Variants in LRRIQ3 observed in about 807,000 individuals in gnomAD.
LRRIQ3 encodes leucine rich repeats and IQ motif containing 3, also known as leucine-rich repeat and IQ domain-containing protein 3.
In LRRIQ3, 75 loss-of-function variants were observed where a neutral mutation model predicts 59.3. The ratio of observed to expected loss-of-function variants is 1.26; its 90% CI spans 1.05 to 1.53. The LOEUF is 1.53. Ranked by LOEUF, LRRIQ3 falls within the 40% of genes most tolerant of loss-of-function variation. The pLI, the probability that LRRIQ3 is intolerant of heterozygous loss-of-function variation, is 0.00. For synonymous variants in LRRIQ3, 250 were observed against 231.3 expected (o/e 1.08, Z -0.73); for missense variants, 831 against 710.0 (o/e 1.17, Z -1.94).
chr1:74,099,751 C>T (rs1646503693), intron 5 of LRRIQ3, among the ~76,000 whole-genome samples: 1 of 152,128 alleles, frequency 6.6e-6, no homozygotes, highest in African/African-American at 2.4e-5. Flanking sequence ...GCTGGAACAA[C>T]ATATGCAAAT....
chr1:74,142,855 G>A (rs1418352956), intron 4 of LRRIQ3, among the ~76,000 whole-genome samples: 4 of 151,980 alleles, frequency 2.6e-5, no homozygotes, highest in Admixed American at 6.6e-5. Flanking sequence ...ACAGATTATT[G>A]GAATGAGCCC....
intron 4 of LRRIQ3, among the ~76,000 whole-genome samples, chr1:74,143,039 A>G (rs2100641011): frequency 6.6e-6 from 1 of 152,212 alleles, no homozygotes; most frequent in Non-Finnish European, 1.5e-5. Flanking sequence ...CTGCTTTCTA[A>G]TAAGACTAAT....
At chr1:74,098,428 G>T (rs76710715) in intron 5 of LRRIQ3, among the ~76,000 whole-genome samples, 1 of 152,056 alleles carries the variant, frequency 6.6e-6, no homozygotes, top group East Asian at 1.9e-4. Context: ...CCTACAGAGA[G>T]ACTTAGACTC....
intron 5 of LRRIQ3, among the ~76,000 whole-genome samples, chr1:74,094,162 T>A (rs1478223592): frequency 6.6e-6 from 1 of 151,986 alleles, no homozygotes; most frequent in African/African-American, 2.4e-5. Context: ...CAGGACCCCA[T>A]CCTTATGACC....
At chr1:74,105,500 A>C (rs1570122049) in intron 5 of LRRIQ3, among the ~76,000 whole-genome samples, 1 of 151,698 alleles carries the variant, frequency 6.6e-6, no homozygotes, top group African/African-American at 2.4e-5. Context: ...TAATCTATCC[A>C]CCTTGGCCTC....
chr1:74,030,972 A>G (rs1348263799), intron 7 of LRRIQ3, among the ~76,000 whole-genome samples: 1 of 152,224 alleles, frequency 6.6e-6, no homozygotes, highest in Non-Finnish European at 1.5e-5. Context: ...GACACTTCTC[A>G]AAAGAAGACA....
Position 74,041,223 on chromosome 1 carries a change from T to G in LRRIQ3, c.1708A>C (p.Lys570Gln). Residue 570 changes from lysine to glutamine, a missense_variant, in exon 7 of 8, where the codon AAA (lysine) becomes CAA (glutamine). Physicochemically the swap from Lys to Gln is moderately conservative, Grantham distance 53. Coordinates refer to ENST00000354431, the MANE Select transcript of LRRIQ3 (RefSeq NM_001105659.2). ...KYRKNLLKEM[K>Q]KVRSQEIYKR... ...CTAAATTGTACCTACCTAACTTTTT[T>G]CATTTCTTTAAGTAAATTCTTTCTA... 6.3e-7 allele frequency: 1 copy of G among 1,575,904 alleles called. No individual in the cohort carries two copies. The highest frequency in any genetic ancestry group is 8.6e-7 in the Non-Finnish European group (1 of 1,163,752).
chr1:74,111,999 C>T (rs2100567009), intron 4 of LRRIQ3, among the ~76,000 whole-genome samples: 1 of 152,258 alleles, frequency 6.6e-6, no homozygotes, highest in Admixed American at 6.6e-5. Flanking sequence ...GGCAGAAGCT[C>T]TAATCAAGGT....
At chr1:74,088,244 A>G (rs1307392513) in intron 5 of LRRIQ3, among the ~76,000 whole-genome samples, 1 of 152,188 alleles carries the variant, frequency 6.6e-6, no homozygotes, top group Admixed American at 6.6e-5. Context: ...AAGTTTTTTC[A>G]GAGAAAATAA....
intron 7 of LRRIQ3, among the ~76,000 whole-genome samples, chr1:74,031,610 T>G (rs1653718670): frequency 2.6e-5 from 3 of 116,636 alleles, no homozygotes; most frequent in East Asian, 2.8e-4. Context: ...TGGGGCCTGT[T>G]GTGGGGTGAG....
intron 5 of LRRIQ3, among the ~76,000 whole-genome samples, chr1:74,078,927 T>C (rs866780571): frequency 5.9e-5 from 9 of 151,980 alleles, no homozygotes; most frequent in Middle Eastern, 3.4e-3. Flanking sequence ...AATTTGTTAT[T>C]TAACCCTTCT....
At chr1:74,129,613 C>A (rs1454839448) in intron 4 of LRRIQ3, among the ~76,000 whole-genome samples, 3 of 151,962 alleles carry the variant, frequency 2.0e-5, no homozygotes, top group African/African-American at 7.2e-5. Context: ...AAGATGAAGT[C>A]ACCTTTTCTC....
chr1:74,137,935 C>A (rs1647152442), intron 4 of LRRIQ3, among the ~76,000 whole-genome samples: 1 of 151,374 alleles, frequency 6.6e-6, no homozygotes, highest in South Asian at 2.1e-4. Flanking sequence ...CACACCGGGG[C>A]CTGTCAGGGG....
intron 5 of LRRIQ3, chr1:74,109,170 A>C (rs2100560065): frequency 3.2e-6 from 1 of 315,642 alleles, no homozygotes; most frequent in Non-Finnish European, 5.8e-6. Context: ...TATAAAGCAT[A>C]AATTATTAAA....
At chr1:74,183,383 T>C (rs903339820) in intron 2 of LRRIQ3, 53 bp downstream of exon 2, 4 of 1,465,102 alleles carry the variant, frequency 2.7e-6, no homozygotes, top group Admixed American at 2.3e-5. Context: ...AAGTACTTAT[T>C]ATAAGACTGA....
chr1:74,098,181 C>G (rs1028100235), intron 5 of LRRIQ3, among the ~76,000 whole-genome samples: 15 of 152,044 alleles, frequency 9.9e-5, no homozygotes, highest in African/African-American at 3.1e-4. Context: ...CAGAGACACA[C>G]ATAGGCTCAA....
At chr1:74,118,772 T>C (rs1304182639) in intron 4 of LRRIQ3, among the ~76,000 whole-genome samples, 1 of 152,110 alleles carries the variant, frequency 6.6e-6, no homozygotes, top group Non-Finnish European at 1.5e-5. Flanking sequence ...AAGTCTGAAA[T>C]CTGTAGGGCA....
intron 5 of LRRIQ3, among the ~76,000 whole-genome samples, chr1:74,088,748 C>T (rs928060015): frequency 6.6e-6 from 1 of 151,636 alleles, no homozygotes; most frequent in Non-Finnish European, 1.5e-5. Context: ...ATCTTTGAGG[C>T]CTCAAGTGAA....
At chr1:74,176,513 T>G (rs1167573568) in intron 3 of LRRIQ3, among the ~76,000 whole-genome samples, 1 of 152,182 alleles carries the variant, frequency 6.6e-6, no homozygotes, top group African/African-American at 2.4e-5. Flanking sequence ...TTTGGGAAGT[T>G]TTTAGCCATT....
Sources: gnomAD v4.1 joint callset for allele counts (sites outside exome capture counted in the v4.1 genomes callset) on GRCh38, gnomAD v4.1.1 for gene constraint, MANE v1.5 for transcripts, NCBI Gene and HGNC (gene_info 2026-07-23, HGNC 2026-07-21) for gene names.